Variants in CDYL2 observed in about 807,000 individuals in gnomAD.
The protein encoded by CDYL2 is chromodomain Y like 2.
Under a neutral mutation model 49.4 loss-of-function variants are expected in CDYL2, and 23 were observed. The ratio of observed to expected loss-of-function variants is 0.47; its 90% CI spans 0.34 to 0.66. The LOEUF is 0.66. Ranked by LOEUF, CDYL2 falls within the 30% of genes least tolerant of loss-of-function variation. CDYL2 has a pLI of 0.01. For synonymous variants in CDYL2, 360 were observed against 268.8 expected (o/e 1.34, Z -3.32); for missense variants, 678 against 656.4 (o/e 1.03, Z -0.36).
chr16:80,648,248 G>A (rs1908437273), intron 2 of CDYL2, among the ~76,000 whole-genome samples: 1 of 151,950 alleles, frequency 6.6e-6, no homozygotes, highest in Non-Finnish European at 1.5e-5. Flanking sequence ...AAACAAAATT[G>A]ACAAACATTT....
At chr16:80,786,203 C>T (rs1434002262) in intron 1 of CDYL2, among the ~76,000 whole-genome samples, 1 of 152,170 alleles carries the variant, frequency 6.6e-6, no homozygotes, top group Non-Finnish European at 1.5e-5. Context: ...AAAATTTTTG[C>T]AATCTATCCA....
intron 1 of CDYL2, among the ~76,000 whole-genome samples, chr16:80,757,939 A>G (rs540756210): frequency 7.9e-5 from 12 of 152,314 alleles, no homozygotes; most frequent in Admixed American, 3.9e-4. Context: ...ATAAATTCAT[A>G]TGTAAGATAA....
At chr16:80,775,000 T>C (rs1445944190) in intron 1 of CDYL2, among the ~76,000 whole-genome samples, 4 of 152,012 alleles carry the variant, frequency 2.6e-5, no homozygotes, top group Non-Finnish European at 4.4e-5. Context: ...CCAAAAAGAT[T>C]TATTTCTATA....
Position 80,685,088 on chromosome 16 carries a change from T to C in CDYL2, c.66A>G (p.Lys22=). 1 of 1,613,828 alleles carries C rather than the reference T, an allele frequency of 6.2e-7. No individual in the cohort carries two copies. The highest frequency in any genetic ancestry group is 1.1e-5 in the South Asian group (1 of 91,042). ...CTTTCCATCGGATAAGATACTCCCA[T>C]TTTCCTTTCTTGTTCTTCCTCTTGT... ...IVDKRKNKKG[K]WEYLIRWKGY... is the part of the protein sequence containing the mutation. Residue 22 remains lysine (K), a synonymous_variant, in exon 2 of 7, where the codon AAA becomes AAG. Coordinates refer to ENST00000570137, the MANE Select transcript of CDYL2 (RefSeq NM_152342.4).
chr16:80,675,658 C>T (rs764912999), intron 2 of CDYL2, among the ~76,000 whole-genome samples: 1 of 150,000 alleles, frequency 6.7e-6, no homozygotes, highest in East Asian at 1.9e-4. Context: ...GAACCCTCAA[C>T]AGGGAGAGCG....
At chr16:80,661,862 T>C (rs887442236) in intron 2 of CDYL2, among the ~76,000 whole-genome samples, 2 of 152,168 alleles carry the variant, frequency 1.3e-5, no homozygotes, top group African/African-American at 4.8e-5. Context: ...GCCTGAGATG[T>C]ATTCACCTGT....
intron 1 of CDYL2, among the ~76,000 whole-genome samples, chr16:80,706,558 G>A (rs1904411109): frequency 6.6e-6 from 1 of 152,192 alleles, no homozygotes; most frequent in African/African-American, 2.4e-5. Flanking sequence ...ACTGAGGCTG[G>A]CTTCTGGTAA....
At chr16:80,608,896 G>C (rs548471699) in intron 5 of CDYL2, among the ~76,000 whole-genome samples, 9 of 152,314 alleles carry the variant, frequency 5.9e-5, no homozygotes, top group South Asian at 4.1e-4. Flanking sequence ...CTGCTTTCCA[G>C]CTGGGAGAAC....
intron 1 of CDYL2, among the ~76,000 whole-genome samples, chr16:80,711,512 TCTC>T (rs750770063): frequency 6.6e-6 from 1 of 152,182 alleles, no homozygotes; most frequent in Non-Finnish European, 1.5e-5. Context: ...GCAAAAGCTT[TCTC>T]CTCCTCTGAA....
intron 2 of CDYL2, among the ~76,000 whole-genome samples, chr16:80,643,389 A>C (rs1243525606): frequency 1.3e-5 from 2 of 152,344 alleles, no homozygotes; most frequent in Admixed American, 6.5e-5. Context: ...CCAGGTGCCC[A>C]GCACAAGCTG....
At chr16:80,748,763 C>G (rs181787970) in intron 1 of CDYL2, among the ~76,000 whole-genome samples, 200 of 152,182 alleles carry the variant, frequency 1.3e-3, no homozygotes, top group Non-Finnish European at 2.5e-3. Flanking sequence ...ATCTCTACCC[C>G]CAACTTAACA....
intron 1 of CDYL2, among the ~76,000 whole-genome samples, chr16:80,758,784 C>T (rs534288618): frequency 5.0e-4 from 76 of 151,870 alleles, no homozygotes; most frequent in African/African-American, 1.4e-3. Context: ...CCTCCTGATC[C>T]GCCCGCCTCT....
chr16:80,753,832 A>C (rs1430584003), intron 1 of CDYL2, among the ~76,000 whole-genome samples: 1 of 152,236 alleles, frequency 6.6e-6, no homozygotes, highest in African/African-American at 2.4e-5. Flanking sequence ...GACACAATTA[A>C]AAGAATAAAA....
chr16:80,787,610 C>CCG (rs145145455), intron 1 of CDYL2, among the ~76,000 whole-genome samples: 5,188 of 152,176 alleles, frequency 0.034, 120 homozygotes, highest in Admixed American at 0.076. Flanking sequence ...TCCTCTCTCT[C>CCG]CTCTCTCTCC....
At chr16:80,771,665 G>C (rs1364027633) in intron 1 of CDYL2, among the ~76,000 whole-genome samples, 2 of 152,084 alleles carry the variant, frequency 1.3e-5, no homozygotes, top group African/African-American at 4.8e-5. Context: ...AGGGATTGCA[G>C]TGAGCCAAGA....
At chr16:80,782,269 C>A (rs1156930820) in intron 1 of CDYL2, among the ~76,000 whole-genome samples, 1 of 151,624 alleles carries the variant, frequency 6.6e-6, no homozygotes, top group Non-Finnish European at 1.5e-5. Flanking sequence ...ATGGGAAACA[C>A]AAACAAGCAA....
intron 2 of CDYL2, among the ~76,000 whole-genome samples, chr16:80,646,442 A>T (rs915039991): frequency 2.0e-5 from 3 of 152,184 alleles, no homozygotes; most frequent in Non-Finnish European, 4.4e-5. Flanking sequence ...AAATAATAAC[A>T]TTGAATGTGA....
intron 1 of CDYL2, among the ~76,000 whole-genome samples, chr16:80,770,226 G>A (rs1459526939): frequency 6.6e-6 from 1 of 152,130 alleles, no homozygotes. Context: ...ATATAATCCT[G>A]AAGGACTTTA....
At chr16:80,742,557 T>A (rs1429724828) in intron 1 of CDYL2, among the ~76,000 whole-genome samples, 1 of 150,170 alleles carries the variant, frequency 6.7e-6, no homozygotes, top group Non-Finnish European at 1.5e-5. Context: ...TGGGTTGGGA[T>A]GAATGAGTGG....
Sources: gnomAD v4.1 joint callset for allele counts (sites outside exome capture counted in the v4.1 genomes callset) on GRCh38, gnomAD v4.1.1 for gene constraint, MANE v1.5 for transcripts, NCBI Gene and HGNC (gene_info 2026-07-23, HGNC 2026-07-21) for gene names.